INTS9: variants seen among roughly 807,000 people sequenced by gnomAD.
INTS9 encodes protein related to CPSF subunits of 74 kDa.
In INTS9, 55 loss-of-function variants were observed where a neutral mutation model predicts 79.7. That is an observed-to-expected ratio of 0.69 (90% CI 0.56 to 0.86). The LOEUF (loss-of-function observed/expected upper bound fraction) is 0.86. Among genes scored for constraint, INTS9 ranks in the 40% least tolerant of loss-of-function variants. INTS9 has a pLI of 0.00. For synonymous variants in INTS9, 319 were observed against 325.2 expected, an observed-to-expected ratio of 0.98 and a Z score of 0.20; for missense variants, 721 against 831.5, an observed-to-expected ratio of 0.87 and a Z score of 1.64.
At chr8:28,813,467 A>C (rs771064186) in intron 7 of INTS9, 25 bp downstream of exon 7, 2 of 1,605,876 alleles carry the variant, frequency 1.2e-6, no homozygotes. Context: ...TTCATGAATA[A>C]CTGAAATGTA....
Position 28,826,079 on chromosome 8 carries a change from C to T in INTS9, c.488+9213G>A, listed in dbSNP as rs117432797. On this transcript the variant is annotated intron_variant, in intron 6 of 16. Coordinates refer to ENST00000521022, the MANE Select transcript of INTS9 (RefSeq NM_018250.4). ...TTTGTTTATACAGAAATTTTCACTA[C>T]AGATGATTTTTGCTAATCAGATACA... 1.2e-3 allele frequency among the ~76,000 whole-genome samples: 190 copies of T among 152,248 alleles called. 2 individuals are homozygous for T. The East Asian group carries it at 0.031, about 25-fold the overall frequency.
chr8:28,805,133 A>C (rs1306607099), intron 8 of INTS9, among the ~76,000 whole-genome samples: 1 of 152,240 alleles, frequency 6.6e-6, no homozygotes. Flanking sequence ...ATTCACAGGA[A>C]AAACACACAT....
chr8:28,788,487 C>T lies in INTS9; in HGVS notation c.1038-598G>A, dbSNP rs999127439. ...CAGCTGGAGTGCAATGGCGCGATCT[C>T]GGCTCACTGCAACCTCCACCTCCTG... On this transcript the variant is annotated intron_variant, in intron 10 of 16. Transcript: ENST00000521022. 2.6e-5 allele frequency among the ~76,000 whole-genome samples: 4 copies of T among 152,156 alleles called. No individual in the cohort carries two copies. The South Asian group carries it at 6.2e-4, about 24-fold the overall frequency.
At chr8:28,805,370 A>G (rs1440402239) in intron 8 of INTS9, among the ~76,000 whole-genome samples, 4 of 152,140 alleles carry the variant, frequency 2.6e-5, no homozygotes, top group African/African-American at 4.8e-5. Context: ...AATTAAAGAC[A>G]TTCTTAATAA....
At chr8:28,878,780 G>T (rs1365566454) in intron 1 of INTS9, among the ~76,000 whole-genome samples, 2 of 151,980 alleles carry the variant, frequency 1.3e-5, no homozygotes, top group African/African-American at 4.8e-5. Context: ...AGGAGTTCGA[G>T]ACCAGCCTGA....
At chr8:28,840,327 C>T (rs1443969697) in intron 4 of INTS9, among the ~76,000 whole-genome samples, 4 of 149,210 alleles carry the variant, frequency 2.7e-5, no homozygotes, top group Non-Finnish European at 6.0e-5. Context: ...AATAGGAACA[C>T]TTTTACACTG....
At chr8:28,883,925 C>T (rs748214413) in intron 1 of INTS9, among the ~76,000 whole-genome samples, 8 of 152,106 alleles carry the variant, frequency 5.3e-5, no homozygotes, top group Non-Finnish European at 1.2e-4. Flanking sequence ...ATGCTGCAAC[C>T]TGGGCCCTTG....
intron 7 of INTS9, 32 bp downstream of exon 7, chr8:28,813,460 A>T: frequency 6.2e-7 from 1 of 1,601,116 alleles, no homozygotes; most frequent in Non-Finnish European, 8.6e-7. Flanking sequence ...GAAAGCATTC[A>T]TGAATAACTG....
intron 2 of INTS9, among the ~76,000 whole-genome samples, chr8:28,853,413 CAA>C (rs570960293): frequency 1.9e-4 from 17 of 87,330 alleles, no homozygotes; most frequent in Admixed American, 6.0e-4. Flanking sequence ...AACTCCATCT[CAA>C]AAAAAAAAAA....
intron 16 of INTS9, 173 bp from the exon 17 acceptor site, chr8:28,768,495 C>G: frequency 6.3e-6 from 4 of 639,982 alleles, no homozygotes; most frequent in Non-Finnish European, 1.1e-5. Context: ...TGAAAAGAGA[C>G]CCTAAACATG....
chr8:28,865,688 C>T (rs1808707857), intron 1 of INTS9, among the ~76,000 whole-genome samples: 1 of 151,986 alleles, frequency 6.6e-6, no homozygotes, highest in Non-Finnish European at 1.5e-5. Flanking sequence ...TTTTAAGCTG[C>T]TATTAAAATA....
rs974227565 is a variant in INTS9, at chr8:28,814,687, C to T, written c.489-1075G>A. ...GGAGTAAAAATGAAAGTCTGGACTA[C>T]GGGAAACCATCAACTGAGACAGCCT... On this transcript the variant is annotated intron_variant, in intron 6 of 16. Coordinates refer to ENST00000521022, the MANE Select transcript of INTS9 (RefSeq NM_018250.4). Among the ~76,000 whole-genome samples the T allele has an allele frequency of 1.6e-4, 24 of 152,100 alleles. No homozygotes were observed. In the South Asian group the frequency reaches 1.9e-3, roughly 12 times the overall value.
intron 8 of INTS9, among the ~76,000 whole-genome samples, 190 bp downstream of exon 8, chr8:28,812,137 G>C: frequency 6.6e-6 from 1 of 152,164 alleles, no homozygotes; most frequent in Non-Finnish European, 1.5e-5. Flanking sequence ...TGACCCTCAA[G>C]GTAGCAGGAC....
chr8:28,782,353 C>T (rs601276), intron 11 of INTS9, among the ~76,000 whole-genome samples: 78,525 of 152,002 alleles, frequency 0.52, 22,312 homozygotes, highest in Non-Finnish European at 0.65. Context: ...TAACCACATT[C>T]GTCACACCAG....
chr8:28,874,542 C>T (rs981364491), intron 1 of INTS9, among the ~76,000 whole-genome samples: 1 of 152,058 alleles, frequency 6.6e-6, no homozygotes, highest in African/African-American at 2.4e-5. Flanking sequence ...ATCTGCCTGT[C>T]TCAGCTTCCC....
At chr8:28,883,315 T>C (rs1403856098) in intron 1 of INTS9, among the ~76,000 whole-genome samples, 9 of 152,210 alleles carry the variant, frequency 5.9e-5, no homozygotes, top group Non-Finnish European at 1.3e-4. Context: ...TGAAGAAATG[T>C]GTTCCCCTTT....
At chr8:28,780,355 A>C in intron 12 of INTS9, 1 of 984,924 alleles carries the variant, frequency 1.0e-6, no homozygotes, top group Non-Finnish European at 1.2e-6. Flanking sequence ...ACACTGATAA[A>C]ATGATACAGT....
At chr8:28,882,532 T>TAAAAAAAAAAAAAAAAAAAAAA (rs369293166) in intron 1 of INTS9, among the ~76,000 whole-genome samples, 5 of 63,290 alleles carry the variant, frequency 7.9e-5, no homozygotes, top group Non-Finnish European at 9.2e-5. Flanking sequence ...TATTAACAGC[T>TAAAAAAAAAAAAAAAAAAAAAA]AAAAAAAAAA....
chr8:28,866,758 T>C (rs1808772065), intron 1 of INTS9, among the ~76,000 whole-genome samples: 1 of 133,596 alleles, frequency 7.5e-6, no homozygotes, highest in Admixed American at 7.5e-5. Flanking sequence ...GGGCGGGTCA[T>C]GAGGTCAGGA....
Sources: allele counts gnomAD v4.1 joint callset (sites outside exome capture counted in the v4.1 genomes callset), GRCh38; gene constraint gnomAD v4.1.1; transcripts MANE v1.5; gene names NCBI Gene and HGNC (gene_info 2026-07-23, HGNC 2026-07-21).